Variants in QTMAN observed in about 807,000 individuals in gnomAD.
QTMAN encodes tRNA-queuosine alpha-mannosyltransferase.
At chr2:144,270,719 C>G in the QTMAN span, among the ~76,000 whole-genome samples, 13 of 152,206 alleles carry the variant, frequency 8.5e-5, no homozygotes, top group Admixed American at 3.9e-4. Flanking sequence ...GGCTTAAAAC[C>G]TAGATGATGG....
the QTMAN span, among the ~76,000 whole-genome samples, chr2:144,068,421 C>T: frequency 1.3e-5 from 2 of 152,108 alleles, no homozygotes; most frequent in African/African-American, 2.4e-5. Context: ...GAATGTAATT[C>T]CACAAAAACA....
chr2:144,294,998 A>AT, the QTMAN span, among the ~76,000 whole-genome samples: 5 of 152,238 alleles, frequency 3.3e-5, no homozygotes, highest in African/African-American at 1.2e-4. Context: ...AACAAAGTTT[A>AT]TTGTCTTAAA....
chr2:144,016,920 G>C, the QTMAN span, among the ~76,000 whole-genome samples: 9 of 152,040 alleles, frequency 5.9e-5, no homozygotes, highest in South Asian at 8.3e-4. Flanking sequence ...ATACTATTTT[G>C]AAAGATGAAC....
chr2:144,308,099 A>T, the QTMAN span, among the ~76,000 whole-genome samples: 1 of 151,980 alleles, frequency 6.6e-6, no homozygotes, highest in African/African-American at 2.4e-5. Context: ...TTATGTTGGC[A>T]TGATAGACAT....
chr2:144,301,691 T>C, the QTMAN span, among the ~76,000 whole-genome samples: 2 of 152,248 alleles, frequency 1.3e-5, no homozygotes, highest in Non-Finnish European at 2.9e-5. Flanking sequence ...AGAGGCTCTT[T>C]TTAAAAGCAC....
the QTMAN span, among the ~76,000 whole-genome samples, chr2:143,960,876 C>T: frequency 6.6e-6 from 1 of 152,072 alleles, no homozygotes; most frequent in Non-Finnish European, 1.5e-5. Flanking sequence ...TTACGGGTTT[C>T]ATAATACACA....
the QTMAN span, among the ~76,000 whole-genome samples, chr2:143,966,039 C>T: frequency 6.6e-6 from 1 of 152,140 alleles, no homozygotes; most frequent in African/African-American, 2.4e-5. Flanking sequence ...CCTATATTTA[C>T]TGTTTTTTTT....
chr2:144,134,172 T>C, the QTMAN span, among the ~76,000 whole-genome samples: 1 of 152,168 alleles, frequency 6.6e-6, no homozygotes, highest in Non-Finnish European at 1.5e-5. Context: ...CTGACACATC[T>C]GCTTTGCAAT....
chr2:144,095,319 C>A, the QTMAN span, among the ~76,000 whole-genome samples: 1 of 152,136 alleles, frequency 6.6e-6, no homozygotes, highest in Non-Finnish European at 1.5e-5. Flanking sequence ...ATTCTTGGCA[C>A]ATAGTAGGGA....
the QTMAN span, among the ~76,000 whole-genome samples, chr2:144,050,737 T>C: frequency 6.6e-6 from 1 of 152,120 alleles, no homozygotes; most frequent in Non-Finnish European, 1.5e-5. Context: ...CTTTTGTCAG[T>C]AGTCAGCTGT....
chr2:144,074,138 TATTTCAATGTAAATATA>T, the QTMAN span, among the ~76,000 whole-genome samples: 2 of 152,224 alleles, frequency 1.3e-5, no homozygotes, highest in Admixed American at 1.3e-4. Flanking sequence ...ATGAATCTCT[TATTTCAATGTAAATATA>T]AACAATTATA....
At chr2:144,088,805 T>A in the QTMAN span, among the ~76,000 whole-genome samples, 10 of 152,074 alleles carry the variant, frequency 6.6e-5, no homozygotes, top group Middle Eastern at 3.4e-3. Flanking sequence ...TCTCTCAACA[T>A]ACACAAAAAT....
At chr2:144,142,688 T>C in the QTMAN span, among the ~76,000 whole-genome samples, 13 of 151,954 alleles carry the variant, frequency 8.6e-5, no homozygotes, top group Non-Finnish European at 1.8e-4. Flanking sequence ...TATTATATTA[T>C]ATTGGGCTAG....
the QTMAN span, among the ~76,000 whole-genome samples, chr2:144,087,232 G>C: frequency 6.6e-6 from 1 of 152,014 alleles, no homozygotes; most frequent in Non-Finnish European, 1.5e-5. Context: ...AAATGAAGTA[G>C]ACAAATTTCT....
At chr2:144,331,763 T>C in the QTMAN span, among the ~76,000 whole-genome samples, 1 of 151,996 alleles carries the variant, frequency 6.6e-6, no homozygotes, top group Non-Finnish European at 1.5e-5. Flanking sequence ...TGGATCCCGA[T>C]GAAAATGGGA....
chr2:144,287,943 T>G, the QTMAN span, among the ~76,000 whole-genome samples: 5 of 152,044 alleles, frequency 3.3e-5, no homozygotes, highest in African/African-American at 1.2e-4. Flanking sequence ...CAACCTCCAC[T>G]TACCGGGTTC....
the QTMAN span, among the ~76,000 whole-genome samples, chr2:144,075,632 T>C: frequency 6.6e-6 from 1 of 152,210 alleles, no homozygotes; most frequent in African/African-American, 2.4e-5. Flanking sequence ...CATAGAACCA[T>C]GGCTAAGAGA....
chr2:143,999,493 GGCTTAGT>G, the QTMAN span, among the ~76,000 whole-genome samples: 2 of 151,704 alleles, frequency 1.3e-5, no homozygotes, highest in Non-Finnish European at 2.9e-5. Context: ...TGTGGAAAAA[GGCTTAGT>G]GACCGGAAAG....
chr2:144,326,949 G>A, the QTMAN span, among the ~76,000 whole-genome samples: 1 of 152,120 alleles, frequency 6.6e-6, no homozygotes, highest in Admixed American at 6.6e-5. Flanking sequence ...TTCCATGCAT[G>A]GTTCCTGGCT....
Sources: allele counts gnomAD v4.1 joint callset (sites outside exome capture counted in the v4.1 genomes callset), GRCh38; gene constraint gnomAD v4.1.1; transcripts MANE v1.5; gene names NCBI Gene and HGNC (gene_info 2026-07-23, HGNC 2026-07-21).